The following BCAS4 variants were observed in gnomAD, a reference collection of about 807,000 sequenced individuals.
BCAS4 encodes breast carcinoma amplified sequence 4, also known as breast carcinoma-amplified sequence 4.
In BCAS4, 9 loss-of-function variants were observed where a neutral mutation model predicts 15.7. That is an observed-to-expected ratio of 0.57 (90% CI 0.34 to 1.00). The LOEUF is 1.00. BCAS4 is among the 50% of genes least tolerant of loss of function. The pLI is 0.02. For missense variants in BCAS4, 225 were observed against 239.1 expected (o/e 0.94, Z 0.39); for synonymous variants, 101 against 99.5 (o/e 1.02, Z -0.09).
chr20:50,861,693 C>T (rs1223510361), intron 4 of BCAS4, among the ~76,000 whole-genome samples: 4 of 152,098 alleles, frequency 2.6e-5, no homozygotes, highest in South Asian at 2.1e-4. Context: ...TTCCCATCTC[C>T]CCCCGCTCCA....
chr20:50,805,748 G>A (rs2087981388), intron 1 of BCAS4, among the ~76,000 whole-genome samples: 1 of 152,176 alleles, frequency 6.6e-6, no homozygotes, highest in Non-Finnish European at 1.5e-5. Context: ...GCCGAGGTGG[G>A]TGGATCACCT....
chr20:50,876,531 T>A lies in BCAS4; in HGVS notation c.445T>A (p.Tyr149Asn), dbSNP rs1489334558. ...VPVTYELPTL[Y>N]RTEDYFPVDA... ...CGTGACGTACGAGCTGCCCACACTG[T>A]ATAGGACGGAGGACTATTTTCCTGT... The change falls in exon 5 of 5, where the codon TAT (tyrosine) becomes AAT (asparagine). Residue 149 changes from tyrosine (Y) to asparagine (N), a missense_variant. Transcript: ENST00000371608. 1 of 1,613,958 alleles carries A rather than the reference T, an allele frequency of 6.2e-7. No homozygotes were observed. The highest frequency in any genetic ancestry group is 1.7e-5 in the Admixed American group (1 of 60,002).
At chr20:50,839,616 C>T (rs1266080905) in intron 3 of BCAS4, among the ~76,000 whole-genome samples, 1 of 152,148 alleles carries the variant, frequency 6.6e-6, no homozygotes, top group Non-Finnish European at 1.5e-5. Context: ...AATTCTCGTA[C>T]CTTAGTCTCC....
At chr20:50,828,127 AG>A (rs1043413359) in intron 2 of BCAS4, among the ~76,000 whole-genome samples, 34 of 151,972 alleles carry the variant, frequency 2.2e-4, no homozygotes, top group African/African-American at 7.7e-4. Flanking sequence ...ACAGTGGAGC[AG>A]GGGCTTAGGC....
intron 1 of BCAS4, among the ~76,000 whole-genome samples, chr20:50,809,362 A>G (rs2123759480): frequency 6.6e-6 from 1 of 152,130 alleles, no homozygotes; most frequent in East Asian, 1.9e-4. Flanking sequence ...GGCATGCACT[A>G]CCACGGCTGG....
intron 3 of BCAS4, among the ~76,000 whole-genome samples, chr20:50,840,156 C>T (rs1271361230): frequency 6.6e-6 from 1 of 152,224 alleles, no homozygotes; most frequent in Non-Finnish European, 1.5e-5. Context: ...AGATTACAGT[C>T]ATGAGGTACC....
At chr20:50,870,039 A>G (rs1475833132) in intron 4 of BCAS4, among the ~76,000 whole-genome samples, 1 of 152,120 alleles carries the variant, frequency 6.6e-6, no homozygotes. Context: ...ATGAGCCATC[A>G]CACCCAGCCT....
chr20:50,818,433 C>T (rs2088168651), intron 2 of BCAS4, 151 bp downstream of exon 2: 2 of 682,538 alleles, frequency 2.9e-6, no homozygotes, highest in Non-Finnish European at 2.5e-6. Context: ...CGTGCAAACA[C>T]TCCCTCCTCT....
At chr20:50,857,604 G>C (rs978558102) in intron 4 of BCAS4, among the ~76,000 whole-genome samples, 2 of 152,178 alleles carry the variant, frequency 1.3e-5, no homozygotes, top group African/African-American at 4.8e-5. Flanking sequence ...TTTGGAAATG[G>C]GACAGTTTAC....
intron 2 of BCAS4, among the ~76,000 whole-genome samples, chr20:50,820,246 G>A (rs530244169): frequency 6.6e-6 from 1 of 152,220 alleles, no homozygotes; most frequent in African/African-American, 2.4e-5. Flanking sequence ...TGTATGTGGG[G>A]AGACTGATTT....
At chr20:50,828,747 C>T (rs966841549) in intron 2 of BCAS4, among the ~76,000 whole-genome samples, 4 of 152,152 alleles carry the variant, frequency 2.6e-5, no homozygotes, top group African/African-American at 4.8e-5. Context: ...CCACTGCACT[C>T]CAGCCTGGGC....
chr20:50,875,243 G>T (rs1051473336), intron 4 of BCAS4, among the ~76,000 whole-genome samples: 7 of 152,226 alleles, frequency 4.6e-5, no homozygotes, highest in African/African-American at 1.4e-4. Context: ...CATTCCAGGT[G>T]GTTCTTGGTG....
chr20:50,874,332 C>A (rs958565504), intron 4 of BCAS4, among the ~76,000 whole-genome samples: 2 of 152,204 alleles, frequency 1.3e-5, no homozygotes, highest in African/African-American at 4.8e-5. Context: ...AACACCGGCC[C>A]TTGGTACCTC....
At chr20:50,865,287 G>A (rs974055214) in intron 4 of BCAS4, among the ~76,000 whole-genome samples, 2 of 151,954 alleles carry the variant, frequency 1.3e-5, no homozygotes, top group Non-Finnish European at 2.9e-5. Flanking sequence ...CAGGAGGAAA[G>A]AGGGGACTTG....
At chr20:50,829,333 C>A (rs1397933429) in intron 2 of BCAS4, among the ~76,000 whole-genome samples, 1 of 152,104 alleles carries the variant, frequency 6.6e-6, no homozygotes, top group African/African-American at 2.4e-5. Context: ...ACCTCCGCCT[C>A]CCGGGTTCAA....
Position 50,828,349 on chromosome 20 carries a change from C to T in BCAS4, c.163-1930C>T, listed in dbSNP as rs560632815. On this transcript the variant is annotated intron_variant, in intron 2 of 4. Coordinates refer to ENST00000371608, the MANE Select transcript of BCAS4 (RefSeq NM_198799.4). The stretch of plus-strand genomic sequence containing the variant: ...GTACAGGGCAATGGGGCAAAGGTCT[C>T]GGGAAACCGAGGGCAAGGGGGAAAT... Among the ~76,000 whole-genome samples the T allele has an allele frequency of 1.6e-4, 25 of 151,730 alleles. No individual in the cohort carries two copies. The South Asian group carries it at 4.8e-3, about 29-fold the overall frequency.
At chr20:50,839,679 T>C (rs745496964) in intron 3 of BCAS4, among the ~76,000 whole-genome samples, 1 of 152,212 alleles carries the variant, frequency 6.6e-6, no homozygotes, top group Admixed American at 6.5e-5. Context: ...ATTTTTTTTG[T>C]ATTTTTAATA....
intron 1 of BCAS4, among the ~76,000 whole-genome samples, chr20:50,811,833 G>A (rs6020759): frequency 2.0e-5 from 3 of 152,138 alleles, no homozygotes; most frequent in African/African-American, 7.2e-5. Flanking sequence ...ATGTTGGCCA[G>A]GCTGATCTCA....
intron 4 of BCAS4, among the ~76,000 whole-genome samples, chr20:50,864,956 G>T (rs1209166718): frequency 6.6e-6 from 1 of 151,920 alleles, no homozygotes; most frequent in Non-Finnish European, 1.5e-5. Flanking sequence ...AGCCAGGCAT[G>T]GTGGCGCATG....
Sources: gnomAD v4.1 joint callset for allele counts (sites outside exome capture counted in the v4.1 genomes callset) on GRCh38, gnomAD v4.1.1 for gene constraint, MANE v1.5 for transcripts, NCBI Gene and HGNC (gene_info 2026-07-23, HGNC 2026-07-21) for gene names.